SCPEP1: variants seen among roughly 807,000 people sequenced by gnomAD.
SCPEP1 encodes serine carboxypeptidase 1.
Under a neutral mutation model 63.8 loss-of-function variants are expected in SCPEP1, and 51 were observed. The observed-to-expected ratio is 0.80, with a 90% confidence interval of 0.64 to 1.01. The LOEUF is 1.01. SCPEP1 is among the 50% of genes least tolerant of loss of function. SCPEP1 has a pLI of 0.00. For missense variants in SCPEP1, 499 were observed against 554.9 expected (o/e 0.90, Z 1.01); for synonymous variants, 204 against 207.8 (o/e 0.98, Z 0.16).
At position 57,002,892 on chromosome 17, in the gene SCPEP1, G is replaced by A. The variant is rs931887466; in HGVS notation, c.1296+711G>A. On this transcript the variant is annotated intron_variant, in intron 12 of 12. Transcript: ENST00000262288. ...CCTGTCTCAAAAAAAAAAAAAAAAA[G>A]AAAAATTAAAAAAGAAATACTTAGG... Among the ~76,000 whole-genome samples the A allele has an allele frequency of 3.8e-3, 526 of 138,164 alleles. 2 individuals carry two copies. The highest frequency in any genetic ancestry group is 4.7e-3 in the Non-Finnish European group (296 of 63,010). The allele number at this position is 138,164 out of a possible 152,430, so 90.6% of individuals were successfully genotyped here. A position where few individuals can be genotyped will look rare whatever the true frequency, so the allele number is the denominator to read the frequency against.
In SCPEP1 at chr17:56,985,482, G is replaced by C; in HGVS notation, c.315+15G>C. The C allele has an allele frequency of 6.2e-7, 1 of 1,601,540 alleles. No individual in the cohort carries two copies. The highest frequency in any genetic ancestry group is 8.6e-7 in the Non-Finnish European group (1 of 1,168,644). On this transcript the variant is annotated intron_variant, in intron 3 of 12. Transcript: ENST00000262288. ...AAACCACCTGGGTACAGTGAGGACAGTCCTGAGCTAAACCTTGCCCCGTGG... is the reference window on the plus strand; with the variant it reads ...AAACCACCTGGGTACAGTGAGGACACTCCTGAGCTAAACCTTGCCCCGTGG...
At chr17:57,002,966 G>C (rs559413320) in intron 12 of SCPEP1, among the ~76,000 whole-genome samples, 1 of 152,130 alleles carries the variant, frequency 6.6e-6, no homozygotes, top group East Asian at 1.9e-4. Flanking sequence ...ATTAGCACTA[G>C]AGACTGCGAG....
rs1347027496 is a variant in SCPEP1 at position 57,002,068 on chromosome 17, A to G, written c.1183A>G (p.Ser395Gly). ...GAAGTGGCCAGAACTGCCTAAATTC[A>G]GTCAGCTGAAGTGGAAGGCCCTGTA... ...KLKWPELPKFSQLKWKALYSD... is the reference protein window; with the variant it reads ...KLKWPELPKFGQLKWKALYSD... The change falls in exon 12 of 13, where the codon AGT becomes GGT. Residue 395 changes from serine (S) to glycine (G), a missense_variant. Physicochemically the swap from Ser to Gly is moderately conservative, Grantham distance 56. Transcript: ENST00000262288. The G allele has an allele frequency of 6.2e-7, 1 of 1,614,240 alleles. No individual in the cohort carries two copies. The highest frequency in any genetic ancestry group is 1.1e-5 in the South Asian group (1 of 91,088).
chr17:56,992,008 T>C lies in SCPEP1; in HGVS notation c.619+837T>C, dbSNP rs533199500. Among the ~76,000 whole-genome samples the C allele has an allele frequency of 3.5e-4, 53 of 152,076 alleles. 1 individual carries two copies. Among genetic ancestry groups the C allele is most frequent in the African/African-American group, 1.2e-3 (51 of 41,464 alleles). On this transcript the variant is annotated intron_variant, in intron 6 of 12. Coordinates refer to ENST00000262288, the MANE Select transcript of SCPEP1 (RefSeq NM_021626.3). ...CAAAACCAAACTATCGAGTTAGAAA[T>C]CAGAAGAGAGGCTGCCTAGGGGCAA...
chr17:56,983,131 GCA>G (rs1911116271), intron 2 of SCPEP1: 1 of 152,168 alleles, frequency 6.6e-6, no homozygotes, highest in Non-Finnish European at 1.5e-5. Context: ...GGCCATGCTA[GCA>G]CCCTATCCCA....
At chr17:56,995,812 A>G in intron 8 of SCPEP1, 177 bp downstream of exon 8, 2 of 494,432 alleles carry the variant, frequency 4.0e-6, no homozygotes, top group East Asian at 3.8e-5. Context: ...GGCTCCTTAC[A>G]GAGTCAGAAA....
chr17:57,006,453 GATTT>G lies in SCPEP1; in HGVS notation c.*219_*222del, dbSNP rs1268072078. On this transcript the variant is annotated 3_prime_UTR_variant, in exon 13 of 13. Transcript: ENST00000262288. ...AAAACCTAAGATTTTTTAAAAAATT[GATTT>G]GTTTTGATCAAAATAAAGGATGATA... is the stretch of plus-strand genomic sequence containing the variant. 2.7e-6 allele frequency: 1 copy of G among 365,894 alleles called. No homozygotes were observed. Among genetic ancestry groups the G allele is most frequent in the Non-Finnish European group, 4.9e-6 (1 of 205,036 alleles). The allele number at this position is 365,894 out of a possible 1,614,324, so 22.7% of individuals were successfully genotyped here.
intron 12 of SCPEP1, among the ~76,000 whole-genome samples, chr17:57,003,731 G>A (rs995693699): frequency 6.6e-5 from 10 of 152,166 alleles, no homozygotes; most frequent in South Asian, 4.1e-4. Flanking sequence ...GGGCTGAAAC[G>A]TGAGTGATGA....
At chr17:56,990,656 C>T (rs964234) in intron 5 of SCPEP1, among the ~76,000 whole-genome samples, 90,971 of 152,052 alleles carry the variant, frequency 0.6, 30,466 homozygotes, top group Admixed American at 0.74. Flanking sequence ...GAGACAGGAT[C>T]TTGCTGTGTT....
rs994829468 is a variant in SCPEP1, at chr17:56,998,635, G to T, written c.994+137G>T. 10 of 657,434 alleles carry T rather than the reference G, an allele frequency of 1.5e-5. No homozygotes were observed. In the East Asian group the frequency reaches 2.8e-4, roughly 18 times the overall value. The allele number at this position is 657,434 out of a possible 1,614,324, so 40.7% of individuals were successfully genotyped here. On this transcript the variant is annotated intron_variant, in intron 10 of 12. Coordinates refer to ENST00000262288, the MANE Select transcript of SCPEP1 (RefSeq NM_021626.3). The stretch of plus-strand genomic sequence containing the variant: ...ATAGGTAAACAATATTACTATCCAC[G>T]TTTTGTAGGTGAGCAAATAGATACA...
At chr17:56,995,864 T>G in intron 8 of SCPEP1, 1 of 286,906 alleles carries the variant, frequency 3.5e-6, no homozygotes, top group Non-Finnish European at 6.2e-6. Context: ...TCACTAAATG[T>G]ATGGATTCTA....
chr17:56,998,523 C>A, intron 10 of SCPEP1, 25 bp downstream of exon 10: 1 of 1,537,688 alleles, frequency 6.5e-7, no homozygotes, highest in Non-Finnish European at 9.0e-7. Context: ...TAATTAAGTG[C>A]CGTTTGTACA....
intron 6 of SCPEP1, 84 bp from the exon 7 acceptor site, chr17:56,994,897 T>C: frequency 7.9e-7 from 1 of 1,268,746 alleles, no homozygotes; most frequent in Admixed American, 1.7e-5. Flanking sequence ...TGTCTCTTTC[T>C]TCTTTAGAGA....
At chr17:56,982,723 G>C (rs1295834544) in intron 2 of SCPEP1, 1 of 151,342 alleles carries the variant, frequency 6.6e-6, no homozygotes, top group East Asian at 1.9e-4. Context: ...CAAACTTTTT[G>C]TTCATCAGCA....
At chr17:56,992,090 T>C (rs897674941) in intron 6 of SCPEP1, among the ~76,000 whole-genome samples, 1 of 151,986 alleles carries the variant, frequency 6.6e-6, no homozygotes, top group Admixed American at 6.6e-5. Context: ...TTGCAGGGGG[T>C]GGTTACACGG....
At chr17:56,991,292 A>AGT in intron 6 of SCPEP1, 121 bp downstream of exon 6, 1 of 805,546 alleles carries the variant, frequency 1.2e-6, no homozygotes, top group South Asian at 1.4e-5. Context: ...CCTTAGAGAA[A>AGT]GTGTTTGCTA....
intron 6 of SCPEP1, 141 bp from the exon 7 acceptor site, chr17:56,994,840 G>C (rs999053571): frequency 2.9e-6 from 2 of 689,074 alleles, no homozygotes; most frequent in Non-Finnish European, 5.2e-6. Flanking sequence ...ATGGGTACAG[G>C]TGAATTGAGG....
intron 10 of SCPEP1, among the ~76,000 whole-genome samples, chr17:56,999,019 G>A (rs1461385686): frequency 6.7e-6 from 1 of 149,914 alleles, no homozygotes; most frequent in African/African-American, 2.5e-5. Context: ...GAGCTGAGTG[G>A]GGAGGGAAAT....
chr17:56,994,519 AT>A (rs1365674127), intron 6 of SCPEP1, among the ~76,000 whole-genome samples: 1 of 152,252 alleles, frequency 6.6e-6, no homozygotes, highest in Non-Finnish European at 1.5e-5. Context: ...TTGCAAACTC[AT>A]TAGTCATCTT....
Sources: allele counts gnomAD v4.1 joint callset (sites outside exome capture counted in the v4.1 genomes callset), GRCh38; gene constraint gnomAD v4.1.1; transcripts MANE v1.5; gene names NCBI Gene and HGNC (gene_info 2026-07-23, HGNC 2026-07-21).